The following H3-3A variants were observed in gnomAD, a reference collection of about 807,000 sequenced individuals.
The protein encoded by H3-3A is H3.3 histone A.
For synonymous variants in H3-3A, 49 were observed against 61.4 expected (o/e 0.80, Z 0.95); for missense variants, 7 against 184.0 (o/e 0.04, Z 5.57).
At chr1:226,069,744 T>C (rs1016365452) in intron 3 of H3-3A, among the ~76,000 whole-genome samples, 5 of 152,132 alleles carry the variant, frequency 3.3e-5, no homozygotes, top group Non-Finnish European at 5.9e-5. Flanking sequence ...GGCAGGAGAA[T>C]TGCCTGAGCT....
chr1:226,062,451 T>C (rs1299316285), upstream of H3-3A, among the ~76,000 whole-genome samples: 1 of 149,914 alleles, frequency 6.7e-6, no homozygotes, highest in Non-Finnish European at 1.5e-5. Context: ...CGGGCGGCAG[T>C]CTCGGCGGGA....
chr1:226,070,763 A>T (rs1056409760), intron 3 of H3-3A, among the ~76,000 whole-genome samples: 5 of 106,632 alleles, frequency 4.7e-5, no homozygotes, highest in Non-Finnish European at 7.8e-5. Flanking sequence ...ACAGAGTAAG[A>T]CTCCATCTCA....
At chr1:226,070,861 TAGATG>T (rs749848359) in intron 3 of H3-3A, among the ~76,000 whole-genome samples, 18 of 152,292 alleles carry the variant, frequency 1.2e-4, no homozygotes, top group Non-Finnish European at 2.1e-4. Context: ...AAAGGGAACA[TAGATG>T]AGAAGCATGT....
At chr1:226,068,233 G>A (rs114492204) in intron 3 of H3-3A, among the ~76,000 whole-genome samples, 1 of 152,306 alleles carries the variant, frequency 6.6e-6, no homozygotes, top group African/African-American at 2.4e-5. Context: ...GTCATGGTCA[G>A]ATCCTCTCGT....
chr1:226,063,237 C>T (rs556130263), intron 1 of H3-3A, among the ~76,000 whole-genome samples: 12 of 152,260 alleles, frequency 7.9e-5, no homozygotes, highest in African/African-American at 2.4e-4. Flanking sequence ...TGGGGTAACT[C>T]GCTTTTTGCT....
intron 1 of H3-3A, among the ~76,000 whole-genome samples, 181 bp downstream of exon 1, chr1:226,062,992 C>G (rs1553260475): frequency 6.6e-6 from 1 of 151,888 alleles, no homozygotes; most frequent in Non-Finnish European, 1.5e-5. Context: ...CGGCGGCTCC[C>G]CCGTCTCTCG....
At chr1:226,068,674 T>TAGA (rs911248646) in intron 3 of H3-3A, among the ~76,000 whole-genome samples, 1 of 152,210 alleles carries the variant, frequency 6.6e-6, no homozygotes, top group Admixed American at 6.5e-5. Context: ...TTGCATAGAA[T>TAGA]AGAAACATTT....
chr1:226,068,766 T>G (rs1658003602), intron 3 of H3-3A, among the ~76,000 whole-genome samples: 1 of 152,158 alleles, frequency 6.6e-6, no homozygotes, highest in Non-Finnish European at 1.5e-5. Context: ...TCAAGTAACT[T>G]AAGGGCACCA....
intron 1 of H3-3A, chr1:226,064,074 G>A (rs1183698722): frequency 1.1e-5 from 3 of 268,186 alleles, no homozygotes; most frequent in African/African-American, 2.7e-5. Context: ...AGGTATTTTT[G>A]TTTTGCCGTT....
At chr1:226,062,615 T>TG (rs1657759229), upstream of H3-3A, 1 of 79,308 alleles carries the variant, frequency 1.3e-5, no homozygotes, top group Non-Finnish European at 2.6e-5. Flanking sequence ...AGAGGAGCTA[T>TG]GGGGGCGGGG....
At chr1:226,069,261 A>C (rs550928131) in intron 3 of H3-3A, among the ~76,000 whole-genome samples, 270 of 152,196 alleles carry the variant, frequency 1.8e-3, no homozygotes, top group African/African-American at 6.3e-3. Flanking sequence ...TGGTCAGTCT[A>C]GTCTCAAGCT....
At chr1:226,065,248 G>C (rs1280122600) in intron 2 of H3-3A, among the ~76,000 whole-genome samples, 1 of 152,204 alleles carries the variant, frequency 6.6e-6, no homozygotes, top group African/African-American at 2.4e-5. Flanking sequence ...ATTTTTAAAT[G>C]AAGTTCATTG....
intron 2 of H3-3A, 51 bp from the exon 3 acceptor site, chr1:226,065,605 T>A (rs1657899532): frequency 7.3e-7 from 1 of 1,375,016 alleles, no homozygotes; most frequent in Non-Finnish European, 9.9e-7. Context: ...CCACTTACCT[T>A]TTTGTGCTAG....
intron 2 of H3-3A, 23 bp downstream of exon 2, chr1:226,064,502 T>C: frequency 3.8e-6 from 6 of 1,595,928 alleles, no homozygotes; most frequent in Non-Finnish European, 5.1e-6. Context: ...AGGAAAAAAA[T>C]GGGACAAAGT....
chr1:226,063,000 TCGC>T (rs1054384987), intron 1 of H3-3A, among the ~76,000 whole-genome samples, 189 bp downstream of exon 1: 27 of 151,482 alleles, frequency 1.8e-4, no homozygotes, highest in African/African-American at 6.3e-4. Context: ...CCCCCGTCTC[TCGC>T]CGCCTCAGCC....
intron 3 of H3-3A, among the ~76,000 whole-genome samples, chr1:226,068,253 G>A (rs6664668): frequency 0.96 from 145,481 of 152,224 alleles, 69,885 homozygotes; most frequent in East Asian, 1. Context: ...TAGGAGTTCA[G>A]TCTCCTCTCA....
chr1:226,065,512 T>A (rs766379939), intron 2 of H3-3A, 144 bp from the exon 3 acceptor site: 23 of 565,932 alleles, frequency 4.1e-5, no homozygotes, highest in Non-Finnish European at 6.9e-5. Flanking sequence ...CATCTTAAGT[T>A]GATCAGTGAA....
chr1:226,069,398 C>G (rs1658029529), intron 3 of H3-3A, among the ~76,000 whole-genome samples: 1 of 152,092 alleles, frequency 6.6e-6, no homozygotes, highest in African/African-American at 2.4e-5. Context: ...ACTGTTTTCT[C>G]CCTTAATATA....
intron 1 of H3-3A, chr1:226,063,914 T>TGG (rs1236579137): frequency 8.2e-6 from 1 of 121,894 alleles, no homozygotes. Context: ...GCAGCCAAAG[T>TGG]GGGGGGGAGT....
Sources: gnomAD v4.1 joint callset for allele counts (sites outside exome capture counted in the v4.1 genomes callset) on GRCh38, gnomAD v4.1.1 for gene constraint, MANE v1.5 for transcripts, NCBI Gene and HGNC (gene_info 2026-07-23, HGNC 2026-07-21) for gene names.